DDAH1: variants seen among roughly 807,000 people sequenced by gnomAD.
The protein encoded by DDAH1 is dimethylarginine dimethylaminohydrolase 1.
DDAH1 carries 19 observed loss-of-function variants against 28.8 expected under a neutral mutation model. The ratio of observed to expected loss-of-function variants is 0.66; its 90% CI spans 0.46 to 0.97. The LOEUF (loss-of-function observed/expected upper bound fraction) is 0.97, where lower values mean the gene tolerates loss of function less well. DDAH1 is among the 50% of genes least tolerant of loss of function. The pLI is 0.00. For synonymous variants in DDAH1, 153 were observed against 154.4 expected (o/e 0.99, Z 0.07); for missense variants, 326 against 375.9 (o/e 0.87, Z 1.10).
intron 1 of DDAH1, among the ~76,000 whole-genome samples, chr1:85,379,129 G>A (rs1035753198): frequency 5.9e-5 from 9 of 152,296 alleles, no homozygotes; most frequent in Middle Eastern, 3.4e-3. Flanking sequence ...CAAGGGAACC[G>A]TATAATATTA....
chr1:85,404,103 T>G (rs1368022999), intron 1 of DDAH1, among the ~76,000 whole-genome samples: 3 of 152,236 alleles, frequency 2.0e-5, no homozygotes, highest in African/African-American at 4.8e-5. Context: ...TAAAATATTT[T>G]TAAGCCCATA....
At chr1:85,478,680 TC>T (rs1226863244) in intron 2 of DDAH1, among the ~76,000 whole-genome samples, 1 of 152,202 alleles carries the variant, frequency 6.6e-6, no homozygotes, top group Non-Finnish European at 1.5e-5. Context: ...CCAAACCATA[TC>T]ATTATCCTTT....
chr1:85,420,071 G>A (rs1264202173), intron 1 of DDAH1, among the ~76,000 whole-genome samples: 1 of 152,132 alleles, frequency 6.6e-6, no homozygotes, highest in Non-Finnish European at 1.5e-5. Flanking sequence ...GCTCCTCTGA[G>A]CTATGGCTAG....
chr1:85,543,937 C>T (rs1297485301), intron 1 of DDAH1, among the ~76,000 whole-genome samples: 1 of 152,126 alleles, frequency 6.6e-6, no homozygotes, highest in Non-Finnish European at 1.5e-5. Flanking sequence ...AGAACAAAGA[C>T]AATGCTGGAA....
chr1:85,497,927 G>A (rs1656655780), intron 1 of DDAH1, among the ~76,000 whole-genome samples: 1 of 152,128 alleles, frequency 6.6e-6, no homozygotes, highest in African/African-American at 2.4e-5. Flanking sequence ...TTTGCTTTCT[G>A]GTGATGGAAC....
chr1:85,501,172 AAG>A (rs1388166409), intron 1 of DDAH1, among the ~76,000 whole-genome samples: 1 of 152,156 alleles, frequency 6.6e-6, no homozygotes, highest in East Asian at 1.9e-4. Context: ...TCTGGATTTA[AAG>A]AGTGTTAAGT....
At chr1:85,506,820 G>A (rs1451862011) in intron 1 of DDAH1, among the ~76,000 whole-genome samples, 1 of 152,180 alleles carries the variant, frequency 6.6e-6, no homozygotes, top group Non-Finnish European at 1.5e-5. Context: ...TTTTTAGGAA[G>A]GTGCCTCGGA....
chr1:85,372,928 A>G (rs1650461013), intron 1 of DDAH1, among the ~76,000 whole-genome samples: 1 of 152,140 alleles, frequency 6.6e-6, no homozygotes, highest in Non-Finnish European at 1.5e-5. Flanking sequence ...CGTGTTATGA[A>G]ATGTACAAAG....
intron 1 of DDAH1, among the ~76,000 whole-genome samples, chr1:85,440,891 C>A (rs1654160757): frequency 6.6e-6 from 1 of 152,166 alleles, no homozygotes; most frequent in Non-Finnish European, 1.5e-5. Flanking sequence ...ACATTTGAAG[C>A]CAACAAAAAG....
At chr1:85,374,652 A>ATAATC (rs1236308683) in intron 1 of DDAH1, among the ~76,000 whole-genome samples, 2 of 152,302 alleles carry the variant, frequency 1.3e-5, no homozygotes, top group East Asian at 1.9e-4. Context: ...CTTACTGTTA[A>ATAATC]TAATCTATCA....
intron 2 of DDAH1, among the ~76,000 whole-genome samples, chr1:85,483,578 C>T (rs1382053204): frequency 1.3e-5 from 2 of 152,138 alleles, no homozygotes; most frequent in Non-Finnish European, 2.9e-5. Context: ...ATGTAACACC[C>T]CCAGTGGGTC....
chr1:85,382,531 A>G (rs1228744354), intron 1 of DDAH1, among the ~76,000 whole-genome samples: 1 of 152,232 alleles, frequency 6.6e-6, no homozygotes, highest in African/African-American at 2.4e-5. Context: ...CAGAAGATCT[A>G]TTACAGCTAA....
intron 1 of DDAH1, among the ~76,000 whole-genome samples, chr1:85,437,271 C>T (rs80052146): frequency 0.042 from 6,336 of 152,206 alleles, 464 homozygotes; most frequent in African/African-American, 0.14. Flanking sequence ...CCTCACTGTG[C>T]CAGCCTCTAG....
At chr1:85,547,220 T>C (rs1658653404) in intron 1 of DDAH1, among the ~76,000 whole-genome samples, 1 of 152,176 alleles carries the variant, frequency 6.6e-6, no homozygotes, top group African/African-American at 2.4e-5. Flanking sequence ...ATTTCAAAAA[T>C]GGGGCTACTA....
At chr1:85,407,031 A>G (rs1652440624) in intron 1 of DDAH1, among the ~76,000 whole-genome samples, 1 of 152,052 alleles carries the variant, frequency 6.6e-6, no homozygotes, top group African/African-American at 2.4e-5. Context: ...TTCCTCCTTG[A>G]GTTTTTGTTT....
intron 1 of DDAH1, among the ~76,000 whole-genome samples, chr1:85,509,076 C>G (rs1657131781): frequency 1.3e-5 from 2 of 152,254 alleles, no homozygotes; most frequent in African/African-American, 4.8e-5. Flanking sequence ...TAGGGGCTGA[C>G]AGATACCTCA....
intron 1 of DDAH1, chr1:85,379,575 A>G: frequency 3.0e-6 from 3 of 984,446 alleles, no homozygotes; most frequent in Non-Finnish European, 3.6e-6. Context: ...GGCACGGAAC[A>G]CTTACATAAC....
intron 1 of DDAH1, among the ~76,000 whole-genome samples, chr1:85,496,972 C>T (rs1311323351): frequency 1.3e-5 from 2 of 152,192 alleles, no homozygotes; most frequent in Admixed American, 1.3e-4. Flanking sequence ...CATAAAGGAA[C>T]AAAGGCTATT....
chr1:85,488,403 T>C (rs1656277354), intron 2 of DDAH1: 1 of 152,114 alleles, frequency 6.6e-6, no homozygotes, highest in South Asian at 2.1e-4. Flanking sequence ...AACATGCAGA[T>C]AGAGAACCAG....
Sources: allele counts gnomAD v4.1 joint callset (sites outside exome capture counted in the v4.1 genomes callset), GRCh38; gene constraint gnomAD v4.1.1; transcripts MANE v1.5; gene names NCBI Gene and HGNC (gene_info 2026-07-23, HGNC 2026-07-21).